The following SLC25A21 variants were observed in gnomAD, a reference collection of about 807,000 sequenced individuals.
The protein encoded by SLC25A21 is mitochondrial 2-oxodicarboxylate carrier.
A neutral mutation model predicts 43.8 loss-of-function variants in SLC25A21; 47 were observed. The observed-to-expected ratio is 1.07, with a 90% CI of 0.85 to 1.37. The LOEUF (loss-of-function observed/expected upper bound fraction) is 1.37. Ranked by LOEUF, SLC25A21 falls within the 40% of genes most tolerant of loss-of-function variation. The pLI is 0.00. For synonymous variants in SLC25A21, 131 were observed against 121.3 expected, an observed-to-expected ratio of 1.08 and a Z score of -0.52; for missense variants, 352 against 350.2, an observed-to-expected ratio of 1.00 and a Z score of -0.04.
At chr14:36,838,193 G>A (rs555509959) in intron 2 of SLC25A21, among the ~76,000 whole-genome samples, 5 of 152,296 alleles carry the variant, frequency 3.3e-5, no homozygotes, top group South Asian at 4.1e-4. Flanking sequence ...GGCCTCACTC[G>A]GCTTTCTCCT....
intron 1 of SLC25A21, among the ~76,000 whole-genome samples, chr14:36,986,503 G>T (rs1307676097): frequency 6.6e-6 from 1 of 152,104 alleles, no homozygotes; most frequent in Non-Finnish European, 1.5e-5. Flanking sequence ...CCACAATGCG[G>T]TTGCTTTCCT....
chr14:36,845,200 T>C (rs1433045409), intron 2 of SLC25A21, among the ~76,000 whole-genome samples: 1 of 152,148 alleles, frequency 6.6e-6, no homozygotes, highest in African/African-American at 2.4e-5. Flanking sequence ...ACAATTTAAC[T>C]AAAACTCACC....
intron 1 of SLC25A21, among the ~76,000 whole-genome samples, chr14:36,952,821 C>A (rs1348075103): frequency 1.3e-5 from 2 of 152,148 alleles, no homozygotes; most frequent in Non-Finnish European, 2.9e-5. Flanking sequence ...AAAGACTACA[C>A]CTTCTGTAGC....
At chr14:36,732,717 T>C (rs1050806316) in intron 4 of SLC25A21, among the ~76,000 whole-genome samples, 9 of 152,176 alleles carry the variant, frequency 5.9e-5, no homozygotes, top group African/African-American at 2.2e-4. Context: ...CAGTTTATGA[T>C]GTATGAAATC....
intron 1 of SLC25A21, among the ~76,000 whole-genome samples, chr14:36,893,462 G>C (rs578016503): frequency 9.8e-5 from 15 of 152,286 alleles, no homozygotes; most frequent in Non-Finnish European, 1.9e-4. Flanking sequence ...CAGATGAGTA[G>C]ATTGCAAAAA....
intron 7 of SLC25A21, among the ~76,000 whole-genome samples, chr14:36,710,032 G>A (rs1883766952): frequency 6.6e-6 from 1 of 152,078 alleles, no homozygotes; most frequent in African/African-American, 2.4e-5. Flanking sequence ...CGTTGAAAAA[G>A]GCTGCTTGCA....
chr14:36,864,335 C>T (rs1422312743), intron 2 of SLC25A21, among the ~76,000 whole-genome samples: 1 of 152,132 alleles, frequency 6.6e-6, no homozygotes, highest in African/African-American at 2.4e-5. Context: ...CTATAATGTG[C>T]CAAGTGGAGC....
intron 1 of SLC25A21, among the ~76,000 whole-genome samples, chr14:37,014,047 C>T (rs551060664): frequency 4.6e-5 from 7 of 152,134 alleles, no homozygotes; most frequent in African/African-American, 9.6e-5. Context: ...GAGCCTTCAG[C>T]GAACTGTGAT....
At chr14:37,049,639 G>C (rs7140385) in intron 1 of SLC25A21, among the ~76,000 whole-genome samples, 10,969 of 152,090 alleles carry the variant, frequency 0.072, 843 homozygotes, top group African/African-American at 0.19. Flanking sequence ...ACTTCAGACT[G>C]ATGTTGTACA....
At chr14:36,848,361 T>C (rs931113079) in intron 2 of SLC25A21, among the ~76,000 whole-genome samples, 1 of 152,220 alleles carries the variant, frequency 6.6e-6, no homozygotes, top group African/African-American at 2.4e-5. Context: ...TCCAGTGTCA[T>C]AAATCATCAT....
intron 5 of SLC25A21, among the ~76,000 whole-genome samples, chr14:36,726,196 ATTAAC>A (rs1279419877): frequency 6.6e-6 from 1 of 152,244 alleles, no homozygotes; most frequent in Non-Finnish European, 1.5e-5. Flanking sequence ...ATTCTGGACT[ATTAAC>A]AAACAAAAAT....
At chr14:37,035,214 C>A (rs1961301730) in intron 1 of SLC25A21, among the ~76,000 whole-genome samples, 1 of 152,192 alleles carries the variant, frequency 6.6e-6, no homozygotes. Context: ...TACGATGATT[C>A]TATCTGGACA....
chr14:36,889,867 C>T (rs1300883451), intron 1 of SLC25A21, among the ~76,000 whole-genome samples: 1 of 152,090 alleles, frequency 6.6e-6, no homozygotes, highest in Non-Finnish European at 1.5e-5. Flanking sequence ...GCCTCTATGG[C>T]CTTCATCCCA....
chr14:37,032,459 C>G (rs1370019793), intron 1 of SLC25A21, among the ~76,000 whole-genome samples: 1 of 151,998 alleles, frequency 6.6e-6, no homozygotes, highest in African/African-American at 2.4e-5. Flanking sequence ...TGGCGTGAAC[C>G]CAGGAGGTGG....
At chr14:37,097,676 A>G (rs1339240085) in intron 1 of SLC25A21, among the ~76,000 whole-genome samples, 1 of 152,080 alleles carries the variant, frequency 6.6e-6, no homozygotes, top group East Asian at 1.9e-4. Context: ...TGAGGTCAGG[A>G]GTTGGAGACT....
chr14:37,038,240 C>T (rs1444138419), intron 1 of SLC25A21, among the ~76,000 whole-genome samples: 1 of 152,084 alleles, frequency 6.6e-6, no homozygotes, highest in East Asian at 1.9e-4. Flanking sequence ...ATACTGGTTA[C>T]CTCCATGGGG....
At chr14:37,032,670 C>CAAAAAAAAAAAAAA (rs3061773) in intron 1 of SLC25A21, among the ~76,000 whole-genome samples, 1 of 93,756 alleles carries the variant, frequency 1.1e-5, no homozygotes, top group African/African-American at 4.5e-5. Flanking sequence ...GACTCTGTCT[C>CAAAAAAAAAAAAAA]AAAAAAAAAA....
At chr14:37,075,080 T>G (rs191922303) in intron 1 of SLC25A21, among the ~76,000 whole-genome samples, 1 of 152,302 alleles carries the variant, frequency 6.6e-6, no homozygotes, top group East Asian at 1.9e-4. Flanking sequence ...TCAAAGGAAC[T>G]AGCTTCCCTT....
intron 1 of SLC25A21, among the ~76,000 whole-genome samples, chr14:37,028,497 T>A (rs547864519): frequency 6.6e-6 from 1 of 152,284 alleles, no homozygotes; most frequent in Admixed American, 6.5e-5. Flanking sequence ...TTTTTATTGA[T>A]GTTCCAGTAT....
Sources: gnomAD v4.1 joint callset for allele counts (sites outside exome capture counted in the v4.1 genomes callset) on GRCh38, gnomAD v4.1.1 for gene constraint, MANE v1.5 for transcripts, NCBI Gene and HGNC (gene_info 2026-07-23, HGNC 2026-07-21) for gene names.